The following OTOF variants were observed in gnomAD, a reference collection of about 807,000 sequenced individuals.
OTOF encodes fer-1-like family member 2.
A neutral mutation model predicts 236.8 loss-of-function variants in OTOF; 218 were observed. The observed-to-expected ratio is 0.92, with a 90% CI of 0.82 to 1.03. OTOF has a LOEUF of 1.03. OTOF is among the 50% of genes least tolerant of loss of function. OTOF has a pLI of 0.00. For synonymous variants in OTOF, 1,041 were observed against 1,072.5 expected (o/e 0.97, Z 0.57); for missense variants, 2,590 against 2,694.4 (o/e 0.96, Z 0.86).
rs1304825394 is a variant in OTOF at position 26,474,663 on chromosome 2, G to A, written c.3138C>T (p.Asp1046=). The A allele has an allele frequency of 6.2e-7, 1 of 1,613,198 alleles. No individual in the cohort carries two copies. The highest frequency in any genetic ancestry group is 1.3e-5 in the African/African-American group (1 of 74,916). ...IYDQDSMGKA[D]FMGRTFAKPL... is the part of the protein sequence containing the mutation. The stretch of plus-strand genomic sequence containing the variant: ...GTTTGGCGAAGGTCCGGCCCATGAA[G>A]TCAGCTTTGCCCTGACGCAACAGAC... Residue 1046 remains aspartate (D), a synonymous_variant, in exon 26 of 47, where the codon GAC becomes GAT. Transcript: ENST00000272371.
intron 8 of OTOF, among the ~76,000 whole-genome samples, chr2:26,498,154 C>A (rs1666034641): frequency 6.6e-6 from 1 of 152,204 alleles, no homozygotes; most frequent in Non-Finnish European, 1.5e-5. Flanking sequence ...CTCCCTGTCC[C>A]CCTTTTCAGG....
At chr2:26,513,796 G>A (rs781519542) in intron 5 of OTOF, among the ~76,000 whole-genome samples, 7 of 152,278 alleles carry the variant, frequency 4.6e-5, no homozygotes, top group South Asian at 2.1e-4. Context: ...CCCCTTCCCC[G>A]GTGTTGTCCT....
Position 26,461,996 on chromosome 2 carries a change from G to C in OTOF, c.5292-59C>G. Reference sequence around the variant, plus strand: ...GCTGGTGGGGCCTCTCCCACCCACAGCCACCTTCCCTCTGCCTCCTCTCCT... The same window carrying C: ...GCTGGTGGGGCCTCTCCCACCCACACCCACCTTCCCTCTGCCTCCTCTCCT... On this transcript the variant is annotated intron_variant, in intron 42 of 46. Coordinates refer to ENST00000272371, the MANE Select transcript of OTOF (RefSeq NM_194248.3). The surrounding 1 kb of genome is among the most constrained non-coding windows in gnomAD (Gnocchi z 6.2). The C allele has an allele frequency of 6.2e-7, 1 of 1,613,352 alleles. No individual in the cohort carries two copies. Among genetic ancestry groups the C allele is most frequent in the Non-Finnish European group, 8.5e-7 (1 of 1,179,786 alleles).
intron 10 of OTOF, 130 bp from the exon 11 acceptor site, chr2:26,489,425 C>CA (rs914764070): frequency 2.6e-6 from 2 of 764,040 alleles, no homozygotes; most frequent in Admixed American, 2.0e-5. Flanking sequence ...CACTGAGGCT[C>CA]AGCATCAGCT....
At chr2:26,475,228 C>A (rs1161156789) in intron 25 of OTOF, 131 bp downstream of exon 25, 9 of 1,060,114 alleles carry the variant, frequency 8.5e-6, no homozygotes, top group Middle Eastern at 2.4e-4. Flanking sequence ...AGCTTCCCAG[C>A]CAGCACCTGG....
chr2:26,473,203 T>G lies in OTOF; in HGVS notation c.3662A>C (p.His1221Pro). 6.2e-7 allele frequency: 1 copy of G among 1,613,152 alleles called. No individual in the cohort carries two copies. Among genetic ancestry groups the G allele is most frequent in the Non-Finnish European group, 8.5e-7 (1 of 1,179,992 alleles). Residue 1221 changes from histidine (H) to proline (P), a missense_variant, in exon 29 of 47, where the codon CAT (histidine) becomes CCT (proline). Around this residue, in one of 2 missense-constraint regions of OTOF, gnomAD observed 1,211 missense variants for 1,352.8 expected, o/e 0.90. Transcript: ENST00000272371. This position sits in a 1 kb window ranked among gnomAD's most constrained non-coding sequence, Gnocchi z 7.2. ...AFGRYTLVGS[H>P]AVSSLRRFIY... ...GAAGCGTCGCAGGGAGCTGACGGCA[T>G]GGGAGCCCACCAGTGTGTAGCGACC...
Position 26,473,233 on chromosome 2 carries a change from G to A in OTOF, c.3632C>T (p.Ala1211Val), listed in dbSNP as rs1341969080. 6.2e-7 allele frequency: 1 copy of A among 1,613,386 alleles called. No homozygotes were observed. The highest frequency in any genetic ancestry group is 8.5e-7 in the Non-Finnish European group (1 of 1,179,996). The change falls in exon 29 of 47, where the codon GCC becomes GTC. Residue 1211 changes from alanine to valine, a missense_variant. Ala to Val is a moderately conservative substitution (Grantham distance 64, BLOSUM62 0). Coordinates refer to ENST00000272371, the MANE Select transcript of OTOF (RefSeq NM_194248.3). The surrounding 1 kb of genome is among the most constrained non-coding windows in gnomAD (Gnocchi z 7.2). The part of the protein sequence containing the change: ...PLNIRVVDCR[A>V]FGRYTLVGSH... The stretch of plus-strand genomic sequence containing the variant: ...GCCCACCAGTGTGTAGCGACCGAAG[G>A]CCCGGCAGTCCACCACACGGATGTT...
chr2:26,478,585 G>A (rs1042047025), intron 18 of OTOF, among the ~76,000 whole-genome samples: 2 of 152,046 alleles, frequency 1.3e-5, no homozygotes, highest in African/African-American at 4.8e-5. Context: ...TGGCTCATGG[G>A]GGGAGAGGGG....
At chr2:26,526,878 A>G (rs1324382930) in intron 3 of OTOF, among the ~76,000 whole-genome samples, 1 of 152,066 alleles carries the variant, frequency 6.6e-6, no homozygotes, top group Non-Finnish European at 1.5e-5. Context: ...TTTTAAAGAG[A>G]TGGGATCTCA....
chr2:26,473,007 T>C lies in OTOF; in HGVS notation c.3733+125A>G, dbSNP rs2148040938. On this transcript the variant is annotated intron_variant, in intron 29 of 46. Coordinates refer to ENST00000272371, the MANE Select transcript of OTOF (RefSeq NM_194248.3). This position sits in a 1 kb window ranked among gnomAD's most constrained non-coding sequence, Gnocchi z 7.2. ...TTCCTTGGCCACCAGGGTGACCTTC[T>C]TCTATGCCCACCCCCTCGGCCCCAA... 2.8e-6 allele frequency: 3 copies of C among 1,074,868 alleles called. No individual in the cohort carries two copies. The East Asian group carries it at 7.3e-5, about 26-fold the overall frequency. 66.6% of individuals were successfully genotyped at this position (1,074,868 alleles called of 1,614,324 possible). A position where few individuals can be genotyped will look rare whatever the true frequency, so the allele number is the denominator to read the frequency against.
rs373313654 is a variant in OTOF, at chr2:26,474,078, G to A, written c.3321C>T (p.Pro1107=). The change falls in exon 27 of 47, where the codon CCC becomes CCT. Residue 1107 remains proline, a synonymous_variant. Coordinates refer to ENST00000272371, the MANE Select transcript of OTOF (RefSeq NM_194248.3). ...IGPAGKADLP[P]INGPVDVDRG... ...GGTCCACGTCCACCGGGCCATTGAT[G>A]GGGGGCAGGTCAGCCTTCCCTGCTG... is the stretch of plus-strand genomic sequence containing the variant. 3.7e-6 allele frequency: 6 copies of A among 1,612,958 alleles called. No homozygotes were observed. In the African/African-American group the frequency reaches 8.0e-5, roughly 22 times the overall value.
At chr2:26,553,793 T>A (rs1328246803) in intron 1 of OTOF, among the ~76,000 whole-genome samples, 2 of 152,152 alleles carry the variant, frequency 1.3e-5, no homozygotes, top group Non-Finnish European at 2.9e-5. Context: ...CCTTTCTCCT[T>A]CCTCTGTCTT....
At chr2:26,537,867 G>A (rs752023856) in intron 1 of OTOF, 93 bp from the exon 2 acceptor site, 17 of 944,036 alleles carry the variant, frequency 1.8e-5, no homozygotes, top group Non-Finnish European at 2.7e-5. Context: ...CGTCCTAACA[G>A]CATTTGACTT....
At chr2:26,553,098 G>C (rs556106147) in intron 1 of OTOF, among the ~76,000 whole-genome samples, 1 of 152,296 alleles carries the variant, frequency 6.6e-6, no homozygotes, top group South Asian at 2.1e-4. Context: ...TGTGGAGTCA[G>C]AGGTGGAGCC....
In OTOF at chr2:26,465,830, G is replaced by T; in HGVS notation, c.4641C>A (p.Ile1547=). The part of the protein sequence containing the change: ...LNPVFGKSFD[I]EASFPMESML... Reference sequence around the variant, plus strand: ...TGGATTCCATGGGGAAGGAGGCCTCGATGTCAAAGGACCTGGTGGGGTGGA... The same window carrying T: ...TGGATTCCATGGGGAAGGAGGCCTCTATGTCAAAGGACCTGGTGGGGTGGA... Residue 1547 remains isoleucine (I), a synonymous_variant, in exon 38 of 47, where the codon ATC becomes ATA. Transcript: ENST00000272371. 1 of 1,614,240 alleles carries T rather than the reference G, an allele frequency of 6.2e-7. No homozygotes were observed. The highest frequency in any genetic ancestry group is 8.5e-7 in the Non-Finnish European group (1 of 1,180,046).
intron 3 of OTOF, among the ~76,000 whole-genome samples, chr2:26,519,509 C>T (rs1052735938): frequency 6.6e-6 from 1 of 152,214 alleles, no homozygotes; most frequent in Non-Finnish European, 1.5e-5. Context: ...ACCCGCCTAA[C>T]CATGACCAAG....
intron 3 of OTOF, among the ~76,000 whole-genome samples, chr2:26,519,602 A>T (rs1276684451): frequency 6.6e-6 from 1 of 152,186 alleles, no homozygotes; most frequent in Non-Finnish European, 1.5e-5. Context: ...AACCTGTGTG[A>T]TGGCAGAGCC....
Position 26,482,586 on chromosome 2 carries a change from T to G in OTOF, c.1399A>C (p.Thr467Pro). ...TCATAGCTGCTCTTCTGCACTGAAGTCTTGCCCTGGTGGAAGGGGGAGCAC... is the reference window on the plus strand; with the variant it reads ...TCATAGCTGCTCTTCTGCACTGAAGGCTTGCCCTGGTGGAAGGGGGAGCAC... ...QVFFAGQKGK[T>P]SVQKSSYEPL... The change falls in exon 14 of 47, where the codon ACT (threonine) becomes CCT (proline). Residue 467 changes from threonine to proline, a missense_variant. This residue lies in a region of OTOF where 1,379 missense variants were observed against 1,341.6 expected (regional missense o/e 1.03). Coordinates refer to ENST00000272371, the MANE Select transcript of OTOF (RefSeq NM_194248.3). The G allele has an allele frequency of 6.2e-7, 1 of 1,612,564 alleles. No individual in the cohort carries two copies. The highest frequency in any genetic ancestry group is 8.5e-7 in the Non-Finnish European group (1 of 1,179,350).
At chr2:26,534,347 T>A (rs370173630) in intron 2 of OTOF, among the ~76,000 whole-genome samples, 1 of 152,330 alleles carries the variant, frequency 6.6e-6, no homozygotes, top group East Asian at 1.9e-4. Context: ...GCTACTCCTG[T>A]TTCCCCAGGT....
Sources: allele counts gnomAD v4.1 joint callset (sites outside exome capture counted in the v4.1 genomes callset), GRCh38; gene constraint gnomAD v4.1.1; regional missense constraint gnomAD v4.1.1; non-coding constraint Gnocchi (gnomAD v3.1); transcripts MANE v1.5; gene names NCBI Gene and HGNC (gene_info 2026-07-23, HGNC 2026-07-21).